The following GRID2 variants were observed in gnomAD, a reference collection of about 807,000 sequenced individuals.
GRID2 encodes glutamate receptor ionotropic, delta-2.
A neutral mutation model predicts 114.8 loss-of-function variants in GRID2; 33 were observed. The observed-to-expected ratio is 0.29, with a 90% CI of 0.22 to 0.38. The LOEUF (loss-of-function observed/expected upper bound fraction) is 0.38. GRID2 is among the 10% of genes least tolerant of loss of function. GRID2 has a pLI of 1.00. For missense variants in GRID2, 1,184 were observed against 1,257.7 expected (o/e 0.94, Z 0.89); for synonymous variants, 505 against 449.9 (o/e 1.12, Z -1.55).
rs116685150 is a variant in GRID2, at chr4:92,723,171, A to G, written c.244+132885A>G. ...AAAGGAAAGCTTAGTGGACAACCAC[A>G]TTGTTGTAATTATTTTAGAAACATG... On this transcript the variant is annotated intron_variant, in intron 2 of 15. Transcript: ENST00000282020. 9.1e-3 allele frequency among the ~76,000 whole-genome samples: 1,381 copies of G among 152,240 alleles called. 14 individuals carry two copies. Among genetic ancestry groups the G allele is most frequent in the African/African-American group, 0.032 (1,311 of 41,554 alleles).
At chr4:93,089,997 T>G (rs1730640451) in intron 3 of GRID2, among the ~76,000 whole-genome samples, 1 of 152,142 alleles carries the variant, frequency 6.6e-6, no homozygotes. Flanking sequence ...TGTTCCCTAA[T>G]AAGAATTCCT....
At chr4:92,641,453 CTT>C (rs72318773) in intron 2 of GRID2, among the ~76,000 whole-genome samples, 1 of 142,392 alleles carries the variant, frequency 7.0e-6, no homozygotes, top group Admixed American at 7.1e-5. Context: ...ATTTTTTTTT[CTT>C]TTTTTTTTAG....
rs1216866290 is a variant in GRID2, at chr4:92,662,752, TAA to T, written c.244+72467_244+72468del. On this transcript the variant is annotated intron_variant, in intron 2 of 15. Coordinates refer to ENST00000282020, the MANE Select transcript of GRID2 (RefSeq NM_001510.4). ...CATATATTCCAAATCAATTGTTTTC[TAA>T]GTTATTTCCTGACATGGTTTTGTAA... Among the ~76,000 whole-genome samples, 3 of 151,336 alleles carry T rather than the reference TAA, an allele frequency of 2.0e-5. No individual in the cohort carries two copies. The East Asian group carries it at 5.8e-4, about 29-fold the overall frequency.
intron 1 of GRID2, among the ~76,000 whole-genome samples, chr4:92,539,357 G>T (rs1159388848): frequency 6.6e-6 from 1 of 151,998 alleles, no homozygotes. Context: ...TGCATTAATG[G>T]TGACAAAAAA....
At chr4:92,678,568 G>A (rs1487348091) in intron 2 of GRID2, among the ~76,000 whole-genome samples, 1 of 151,616 alleles carries the variant, frequency 6.6e-6, no homozygotes, top group Non-Finnish European at 1.5e-5. Context: ...ATGTAGCACC[G>A]TCTATTGCAT....
At chr4:92,451,641 A>G (rs1294976631) in intron 1 of GRID2, among the ~76,000 whole-genome samples, 1 of 152,156 alleles carries the variant, frequency 6.6e-6, no homozygotes, top group Non-Finnish European at 1.5e-5. Context: ...AAAGAAAGGA[A>G]ACCCATTTCA....
At chr4:92,836,050 TCAAATA>T (rs1742430542) in intron 2 of GRID2, among the ~76,000 whole-genome samples, 1 of 152,156 alleles carries the variant, frequency 6.6e-6, no homozygotes, top group South Asian at 2.1e-4. Flanking sequence ...AGCCTGCAAG[TCAAATA>T]CAACCAGTAT....
chr4:92,564,844 C>T lies in GRID2; in HGVS notation c.89-25287C>T, dbSNP rs533878073. 8.6e-5 allele frequency among the ~76,000 whole-genome samples: 13 copies of T among 152,008 alleles called. No individual in the cohort carries two copies. In the South Asian group the frequency reaches 2.7e-3, roughly 32 times the overall value. On this transcript the variant is annotated intron_variant, in intron 1 of 15. Coordinates refer to ENST00000282020, the MANE Select transcript of GRID2 (RefSeq NM_001510.4). ...AAATATATATTTTCGTGCTACAAGG[C>T]CAAATATATTTTTTTCTTTCCAGTC... is the stretch of plus-strand genomic sequence containing the variant.
At chr4:93,407,593 G>T (rs973323932) in intron 9 of GRID2, among the ~76,000 whole-genome samples, 2 of 152,012 alleles carry the variant, frequency 1.3e-5, no homozygotes, top group East Asian at 1.9e-4. Flanking sequence ...CTTGCATCAT[G>T]TTTAAAATTG....
intron 2 of GRID2, among the ~76,000 whole-genome samples, chr4:92,880,854 G>A (rs971811735): frequency 2.6e-5 from 4 of 151,146 alleles, no homozygotes; most frequent in African/African-American, 7.3e-5. Flanking sequence ...CCCAAGTAGC[G>A]TGGATTACAG....
At chr4:93,584,933 T>C (rs1455555921) in intron 13 of GRID2, among the ~76,000 whole-genome samples, 2 of 152,062 alleles carry the variant, frequency 1.3e-5, no homozygotes, top group African/African-American at 4.8e-5. Flanking sequence ...AGTAGGAGCA[T>C]TGTCGTGGTG....
chr4:92,611,541 G>A (rs1411501217), intron 2 of GRID2, among the ~76,000 whole-genome samples: 1 of 151,384 alleles, frequency 6.6e-6, no homozygotes, highest in African/African-American at 2.4e-5. Flanking sequence ...AACTTTTGAG[G>A]GGACACAAAC....
intron 13 of GRID2, among the ~76,000 whole-genome samples, chr4:93,540,238 G>A (rs1326614591): frequency 6.6e-6 from 1 of 151,804 alleles, no homozygotes; most frequent in Non-Finnish European, 1.5e-5. Context: ...TTATTGCGAT[G>A]TTTTTTAACT....
At chr4:92,975,610 A>G (rs1251403652) in intron 2 of GRID2, among the ~76,000 whole-genome samples, 1 of 152,100 alleles carries the variant, frequency 6.6e-6, no homozygotes, top group Non-Finnish European at 1.5e-5. Context: ...TTTTATCGTG[A>G]GAAATTTCCA....
chr4:92,907,924 G>A (rs544951711), intron 2 of GRID2, among the ~76,000 whole-genome samples: 1 of 152,192 alleles, frequency 6.6e-6, no homozygotes, highest in Admixed American at 6.5e-5. Context: ...TCAGGAGGCT[G>A]AGGCAGGAGA....
Position 93,311,521 on chromosome 4 carries a change from G to A in GRID2, c.1245+73031G>A, listed in dbSNP as rs980548850. Among the ~76,000 whole-genome samples, 4 of 152,104 alleles carry A rather than the reference G, an allele frequency of 2.6e-5. No homozygotes were observed. The East Asian group carries it at 7.7e-4, about 29-fold the overall frequency. On this transcript the variant is annotated intron_variant, in intron 8 of 15. Transcript: ENST00000282020. ...CAAGCAAACACGTAGTTAGATATAT[G>A]TATAGCAAGAAAAAAAATGAGGCAG...
intron 1 of GRID2, among the ~76,000 whole-genome samples, chr4:92,449,694 TA>T (rs1720794773): frequency 7.0e-6 from 1 of 141,962 alleles, no homozygotes; most frequent in South Asian, 2.2e-4. Flanking sequence ...TATATATATA[TA>T]TATATATATA....
chr4:92,344,312 T>C (rs1252681971), intron 1 of GRID2, among the ~76,000 whole-genome samples: 1 of 152,124 alleles, frequency 6.6e-6, no homozygotes, highest in Non-Finnish European at 1.5e-5. Flanking sequence ...TAAAAGTATT[T>C]AGAGTATAAA....
At chr4:92,578,593 T>G (rs2149200067) in intron 1 of GRID2, among the ~76,000 whole-genome samples, 1 of 152,102 alleles carries the variant, frequency 6.6e-6, no homozygotes, top group South Asian at 2.1e-4. Context: ...TTCAGAAATT[T>G]ATGGAAGCAT....
Sources: allele counts gnomAD v4.1 joint callset (sites outside exome capture counted in the v4.1 genomes callset), GRCh38; gene constraint gnomAD v4.1.1; transcripts MANE v1.5; gene names NCBI Gene and HGNC (gene_info 2026-07-23, HGNC 2026-07-21).